DYNC2H1: variants seen among roughly 807,000 people sequenced by gnomAD.
DYNC2H1 encodes the protein cytoplasmic dynein 2 heavy chain 1.
Under a neutral mutation model 570.0 loss-of-function variants are expected in DYNC2H1, and 410 were observed. That is an observed-to-expected ratio of 0.72 (90% CI 0.66 to 0.78). The LOEUF is 0.78. DYNC2H1 is among the 30% of genes least tolerant of loss of function. DYNC2H1 has a pLI of 0.00. For missense variants in DYNC2H1, 4,865 were observed against 5,046.4 expected (o/e 0.96, Z 1.09); for synonymous variants, 1,688 against 1,677.6 (o/e 1.01, Z -0.15).
chr11:103,179,233 G>T lies in DYNC2H1; in HGVS notation c.6347G>T (p.Ser2116Ile). ...TISRMGMIFL[S>I]DEETDLNSLI... ...TCTAGAATGGGAATGATCTTTCTTA[G>T]GTAAGCCATAGATTATTTATATACA... The change falls in exon 39 of 89, where the codon AGT becomes ATT. Residue 2116 changes from serine (S) to isoleucine (I), a missense_variant and splice_region_variant. Ser to Ile is a moderately radical substitution (Grantham distance 142). This residue lies in a region of DYNC2H1 where 231 missense variants were observed against 310.3 expected (regional missense o/e 0.74). Coordinates refer to ENST00000375735, the MANE Select transcript of DYNC2H1 (RefSeq NM_001377.3). 6.2e-7 allele frequency: 1 copy of T among 1,612,200 alleles called. No homozygotes were observed. The highest frequency in any genetic ancestry group is 2.2e-5 in the East Asian group (1 of 44,800).
Position 103,243,592 on chromosome 11 carries a change from G to T in DYNC2H1, c.9820-101G>T, listed in dbSNP as rs1164109364. 1.8e-5 allele frequency: 17 copies of T among 929,614 alleles called. No individual in the cohort carries two copies. In the Admixed American group the frequency reaches 1.9e-4, roughly 10 times the overall value. The allele number at this position is 929,614 out of a possible 1,614,324, so 57.6% of individuals were successfully genotyped here. On this transcript the variant is annotated intron_variant, in intron 63 of 88. Transcript: ENST00000375735. This position sits in a 1 kb window ranked among gnomAD's most constrained non-coding sequence, Gnocchi z 4.8. ...GTGTTCTCCAAAGCTTGAGAGAAAAGATCATTTAGTAATTGATTTATAATT... is the reference window on the plus strand; with the variant it reads ...GTGTTCTCCAAAGCTTGAGAGAAAATATCATTTAGTAATTGATTTATAATT...
Position 103,241,634 on chromosome 11 carries a change from A to G in DYNC2H1, c.9820-2059A>G, listed in dbSNP as rs1591461388. 1 of 1,128,310 alleles carries G rather than the reference A, an allele frequency of 8.9e-7. No homozygotes were observed. Among genetic ancestry groups the G allele is most frequent in the East Asian group, 2.6e-5 (1 of 38,388 alleles). The allele number at this position is 1,128,310 out of a possible 1,614,324, so 69.9% of individuals were successfully genotyped here. A position where few individuals can be genotyped will look rare whatever the true frequency, so the allele number is the denominator to read the frequency against. On this transcript the variant is annotated intron_variant, in intron 63 of 88. Transcript: ENST00000375735. The surrounding 1 kb of genome is among the most constrained non-coding windows in gnomAD (Gnocchi z 5.1). The stretch of plus-strand genomic sequence containing the variant: ...GAAATGTGTGCTATTGAATGCTAGC[A>G]TAAAATTAGATCAAAAACCTAGGTG...
At chr11:103,468,762 A>G in intron 88 of DYNC2H1, 57 bp downstream of exon 88, 2 of 1,337,248 alleles carry the variant, frequency 1.5e-6, no homozygotes, top group Non-Finnish European at 1.0e-6. Flanking sequence ...CTTAGATTTT[A>G]TCTTTTCAAG....
intron 82 of DYNC2H1, among the ~76,000 whole-genome samples, chr11:103,338,647 G>C (rs1939283868): frequency 6.6e-6 from 1 of 152,090 alleles, no homozygotes; most frequent in Non-Finnish European, 1.5e-5. Context: ...GAATTTTTTA[G>C]CCAGGAATTC....
At chr11:103,174,720 T>C (rs953239464) in intron 36 of DYNC2H1, among the ~76,000 whole-genome samples, 1 of 152,146 alleles carries the variant, frequency 6.6e-6, no homozygotes, top group African/African-American at 2.4e-5. Context: ...GTGGAGTGTC[T>C]TTCTTACTGC....
chr11:103,387,831 C>T (rs1250203866), intron 83 of DYNC2H1, among the ~76,000 whole-genome samples: 1 of 152,130 alleles, frequency 6.6e-6, no homozygotes, highest in Non-Finnish European at 1.5e-5. Flanking sequence ...GGCATTATTT[C>T]TGAGAGTTCT....
chr11:103,440,640 T>C (rs978122118), intron 85 of DYNC2H1, among the ~76,000 whole-genome samples: 7 of 152,212 alleles, frequency 4.6e-5, no homozygotes, highest in African/African-American at 1.7e-4. Context: ...ATCAGGAAAA[T>C]AGACAACTAA....
intron 30 of DYNC2H1, among the ~76,000 whole-genome samples, chr11:103,164,225 G>GA (rs5794212): frequency 0.79 from 119,843 of 152,046 alleles, 48,333 homozygotes; most frequent in East Asian, 0.87. Context: ...TTGGGTTAGG[G>GA]AAATGACAAT....
chr11:103,358,876 G>A (rs1442966163), intron 83 of DYNC2H1, among the ~76,000 whole-genome samples: 1 of 152,024 alleles, frequency 6.6e-6, no homozygotes, highest in Non-Finnish European at 1.5e-5. Flanking sequence ...TTTTTACTTA[G>A]TAATAATATG....
chr11:103,183,119 A>T (rs750693285), intron 40 of DYNC2H1, among the ~76,000 whole-genome samples: 2 of 151,860 alleles, frequency 1.3e-5, no homozygotes, highest in Non-Finnish European at 2.9e-5. Context: ...AGCTTATCAC[A>T]CTCTTCATTG....
chr11:103,257,136 A>G (rs1272743789), intron 68 of DYNC2H1, among the ~76,000 whole-genome samples: 3 of 152,176 alleles, frequency 2.0e-5, no homozygotes, highest in African/African-American at 7.2e-5. Flanking sequence ...TGGAGCTCTC[A>G]TGAGTGGGAT....
intron 29 of DYNC2H1, 119 bp downstream of exon 29, chr11:103,161,163 C>T (rs1861076526): frequency 2.0e-6 from 1 of 488,982 alleles, no homozygotes; most frequent in Non-Finnish European, 3.6e-6. Context: ...TTTTAGGAAA[C>T]TCAGCTCATA....
intron 87 of DYNC2H1, among the ~76,000 whole-genome samples, chr11:103,459,577 A>G (rs942980300): frequency 6.6e-6 from 1 of 152,100 alleles, no homozygotes; most frequent in Non-Finnish European, 1.5e-5. Context: ...ACAATGGTAT[A>G]GTGTGCCAGA....
At chr11:103,307,978 A>G (rs1385547486) in intron 78 of DYNC2H1, 147 bp downstream of exon 78, 1 of 422,954 alleles carries the variant, frequency 2.4e-6, no homozygotes, top group Admixed American at 4.2e-5. Flanking sequence ...GCATAAGATG[A>G]TGTAAAATAC....
Position 103,209,476 on chromosome 11 carries a change from T to A in DYNC2H1, c.8455-400T>A, listed in dbSNP as rs605540. Among the ~76,000 whole-genome samples, 141,606 of 152,014 alleles carry A rather than the reference T, an allele frequency of 0.93. 65,985 individuals carry two copies. The highest frequency in any genetic ancestry group is 0.94 in the African/African-American group (39,073 of 41,534). On this transcript the variant is annotated intron_variant, in intron 52 of 88. Coordinates refer to ENST00000375735, the MANE Select transcript of DYNC2H1 (RefSeq NM_001377.3). The surrounding 1 kb of genome is among the most constrained non-coding windows in gnomAD (Gnocchi z 4.2). ...TTATTTTTATTTAATTTTAGTTTTT[T>A]TTTGAAAAAGCTAAGAATCCTTGCT...
intron 11 of DYNC2H1, among the ~76,000 whole-genome samples, chr11:103,123,527 G>A (rs1265623965): frequency 3.3e-5 from 5 of 152,120 alleles, no homozygotes; most frequent in Non-Finnish European, 7.4e-5. Flanking sequence ...GAAAAATAGA[G>A]GAAACTGAAC....
At chr11:103,111,502 C>T (rs922147816) in intron 1 of DYNC2H1, among the ~76,000 whole-genome samples, 13 of 152,312 alleles carry the variant, frequency 8.5e-5, no homozygotes, top group African/African-American at 3.1e-4. Context: ...ATAGAGCCCC[C>T]TGCTTTCTGC....
Position 103,254,102 on chromosome 11 carries a change from T to G in DYNC2H1, c.10206+654T>G, listed in dbSNP as rs1864950126. 6.6e-6 allele frequency among the ~76,000 whole-genome samples: 1 copy of G among 152,202 alleles called. No individual in the cohort carries two copies. Among genetic ancestry groups the G allele is most frequent in the South Asian group, 2.1e-4 (1 of 4,828 alleles). On this transcript the variant is annotated intron_variant, in intron 66 of 88. Coordinates refer to ENST00000375735, the MANE Select transcript of DYNC2H1 (RefSeq NM_001377.3). The surrounding 1 kb of genome is among the most constrained non-coding windows in gnomAD (Gnocchi z 4.9). ...ATGATAGCATACATATTTGCTGCAATTTTTACTTGATTGTAATTTTTAAAA... is the reference window on the plus strand; with the variant it reads ...ATGATAGCATACATATTTGCTGCAAGTTTTACTTGATTGTAATTTTTAAAA...
intron 88 of DYNC2H1, among the ~76,000 whole-genome samples, chr11:103,474,556 T>C (rs951752793): frequency 3.3e-5 from 5 of 152,218 alleles, no homozygotes; most frequent in Non-Finnish European, 7.3e-5. Context: ...AACTAAGTGA[T>C]ATCTAATATG....
Sources: gnomAD v4.1 joint callset for allele counts (sites outside exome capture counted in the v4.1 genomes callset) on GRCh38, gnomAD v4.1.1 for gene constraint, gnomAD v4.1.1 regional missense constraint, Gnocchi (gnomAD v3.1) non-coding constraint, MANE v1.5 for transcripts, NCBI Gene and HGNC (gene_info 2026-07-23, HGNC 2026-07-21) for gene names.